The following FAM76B variants were observed in gnomAD, a reference collection of about 807,000 sequenced individuals.
The protein encoded by FAM76B is protein FAM76B.
In FAM76B, 16 loss-of-function variants were observed where a neutral mutation model predicts 51.8. The ratio of observed to expected loss-of-function variants is 0.31; its 90% CI spans 0.21 to 0.47. The LOEUF is 0.47. Ranked by LOEUF, FAM76B falls within the 20% of genes least tolerant of loss-of-function variation. The probability of loss-of-function intolerance (pLI) is 1.00; values close to 1 mark genes in which losing one functional copy is unlikely to be tolerated. For synonymous variants in FAM76B, 166 were observed against 129.5 expected (o/e 1.28, Z -1.91); for missense variants, 342 against 392.6 (o/e 0.87, Z 1.09).
rs538281687 is a variant in FAM76B at position 95,782,522 on chromosome 11, G to C, written c.563+543C>G. 5.3e-5 allele frequency among the ~76,000 whole-genome samples: 8 copies of C among 151,944 alleles called. No homozygotes were observed. In the South Asian group the frequency reaches 1.5e-3, roughly 28 times the overall value. ...AACTACAGTTGTCTCTATTTAAGTAGAGTTCCTAAATATATGTTTGAAAAA... is the reference window on the plus strand; with the variant it reads ...AACTACAGTTGTCTCTATTTAAGTACAGTTCCTAAATATATGTTTGAAAAA... On this transcript the variant is annotated intron_variant, in intron 5 of 9. Coordinates refer to ENST00000358780, the MANE Select transcript of FAM76B (RefSeq NM_144664.5).
At chr11:95,779,167 G>C (rs1305077293) in intron 7 of FAM76B, 1 of 1,557,386 alleles carries the variant, frequency 6.4e-7, no homozygotes, top group South Asian at 1.1e-5. Flanking sequence ...TTAGCTTTAA[G>C]GGGGTCAATA....
At chr11:95,783,373 C>A in intron 4 of FAM76B, 109 bp from the exon 5 acceptor site, 1 of 800,100 alleles carries the variant, frequency 1.2e-6, no homozygotes. Flanking sequence ...GTAACATGCA[C>A]AAATGCATGT....
intron 5 of FAM76B, among the ~76,000 whole-genome samples, chr11:95,782,275 A>C (rs1860313698): frequency 6.6e-6 from 1 of 152,182 alleles, no homozygotes; most frequent in Non-Finnish European, 1.5e-5. Flanking sequence ...ACCCTTGAAC[A>C]ACCCAGGTTT....
chr11:95,772,035 T>C (rs1859789523), intron 9 of FAM76B, among the ~76,000 whole-genome samples: 1 of 151,106 alleles, frequency 6.6e-6, no homozygotes, highest in African/African-American at 2.4e-5. Context: ...ATTAATAAAA[T>C]CAAAGAATGA....
At position 95,788,759 on chromosome 11, in the gene FAM76B, G is replaced by A. The variant is rs920815266; in HGVS notation, c.88-196C>T. 1.9e-5 allele frequency: 26 copies of A among 1,387,898 alleles called. No individual in the cohort carries two copies. The African/African-American group carries it at 3.2e-4, about 17-fold the overall frequency. 86.0% of individuals were successfully genotyped at this position (1,387,898 alleles called of 1,614,324 possible). On this transcript the variant is annotated intron_variant, in intron 1 of 9. Transcript: ENST00000358780. The stretch of plus-strand genomic sequence containing the variant: ...CCTTAGGGAAGGCACAGGTGTCTTT[G>A]TCTTTAGTAGACGTGGGGGTATATT...
At chr11:95,777,696 A>T (rs1016878517) in intron 8 of FAM76B, among the ~76,000 whole-genome samples, 3 of 151,418 alleles carry the variant, frequency 2.0e-5, no homozygotes, top group African/African-American at 7.2e-5. Flanking sequence ...TAAGCTACAA[A>T]TGTATTAAAA....
intron 1 of FAM76B, chr11:95,789,180 GA>G: frequency 1.9e-6 from 2 of 1,039,422 alleles, no homozygotes; most frequent in Non-Finnish European, 2.7e-6. Flanking sequence ...GGGCCGCCTG[GA>G]AAAGGGCACG....
chr11:95,775,362 G>C (rs1429703360), intron 9 of FAM76B, among the ~76,000 whole-genome samples: 1 of 151,374 alleles, frequency 6.6e-6, no homozygotes, highest in African/African-American at 2.4e-5. Context: ...TACTTAAACT[G>C]CTACTTTGCA....
Position 95,779,711 on chromosome 11 carries a change from T to C in FAM76B, c.612-24A>G, listed in dbSNP as rs1466757064. Reference sequence around the variant, plus strand: ...GGCTGAAACCAAACATTAATAAGAATAGTTAGAGTAAAAAGGACAGAGAAA... The same window carrying C: ...GGCTGAAACCAAACATTAATAAGAACAGTTAGAGTAAAAAGGACAGAGAAA... On this transcript the variant is annotated intron_variant, in intron 6 of 9. Transcript: ENST00000358780. 7 of 1,600,422 alleles carry C rather than the reference T, an allele frequency of 4.4e-6. No individual in the cohort carries two copies. The South Asian group carries it at 4.5e-5, about 10-fold the overall frequency.
At chr11:95,778,718 AACAAACATTAC>A (rs1226891201) in intron 8 of FAM76B, 93 bp downstream of exon 8, 2 of 1,388,230 alleles carry the variant, frequency 1.4e-6, no homozygotes, top group African/African-American at 3.0e-5. Flanking sequence ...AATCACGCAC[AACAAACATTAC>A]CAAATTATTA....
intron 8 of FAM76B, among the ~76,000 whole-genome samples, chr11:95,777,322 G>A (rs529975889): frequency 4.0e-5 from 6 of 151,224 alleles, no homozygotes; most frequent in Admixed American, 1.3e-4. Context: ...TTAGTGTTGT[G>A]ATTTTTTTAA....
chr11:95,781,288 C>T (rs894251312), intron 5 of FAM76B, among the ~76,000 whole-genome samples: 1 of 152,060 alleles, frequency 6.6e-6, no homozygotes, highest in African/African-American at 2.4e-5. Context: ...CTACCCCTGC[C>T]GATCACTATC....
chr11:95,783,151 T>G lies in FAM76B; in HGVS notation c.477A>C (p.Ser159=), dbSNP rs541944472. The G allele has an allele frequency of 1.9e-6, 3 of 1,613,524 alleles. No individual in the cohort carries two copies. The African/African-American group carries it at 4.0e-5, about 22-fold the overall frequency. The change falls in exon 5 of 10, where the codon TCA becomes TCC. Residue 159 remains serine, a synonymous_variant. Coordinates refer to ENST00000358780, the MANE Select transcript of FAM76B (RefSeq NM_144664.5). ...GATGCTGGTCTTTCTCAGTAAGAGATGAAGAAGATGAATTTGAATGTGAAG... is the reference window on the plus strand; with the variant it reads ...GATGCTGGTCTTTCTCAGTAAGAGAGGAAGAAGATGAATTTGAATGTGAAG... ...LGSSHSNSSS[S]SLTEKDQHHP...
rs1394374723 is a variant in FAM76B at position 95,783,086 on chromosome 11, C to CGATGGT, written c.536_541dup (p.His179_His180dup). On this transcript the variant is annotated inframe_insertion, in exon 5 of 10. Coordinates refer to ENST00000358780, the MANE Select transcript of FAM76B (RefSeq NM_144664.5). The stretch of plus-strand genomic sequence containing the variant: ...TTACTTGTGATGGCTACTGCTGTGA[C>CGATGGT]GATGGTGATGGTGATGATGGTGGTG... The CGATGGT allele has an allele frequency of 6.2e-7, 1 of 1,613,456 alleles. No individual in the cohort carries two copies. The highest frequency in any genetic ancestry group is 1.7e-5 in the Admixed American group (1 of 59,994).
intron 1 of FAM76B, 142 bp from the exon 2 acceptor site, chr11:95,788,705 T>A: frequency 8.3e-7 from 1 of 1,211,858 alleles, no homozygotes; most frequent in Non-Finnish European, 1.1e-6. Flanking sequence ...GGATGCTTTA[T>A]CATATAAGTG....
chr11:95,788,391 A>T, intron 2 of FAM76B, 108 bp downstream of exon 2: 3 of 943,908 alleles, frequency 3.2e-6, no homozygotes, highest in South Asian at 3.0e-5. Flanking sequence ...TTCTGGGGCT[A>T]AACCATTTTT....
In FAM76B at chr11:95,769,871, T is replaced by C. The variant is rs548480772; in HGVS notation, c.*1690A>G. On this transcript the variant is annotated 3_prime_UTR_variant, in exon 10 of 10. Transcript: ENST00000358780. ...ATCACTTGAAAATTACCCTATATTA[T>C]GCTTTCAAAATGGACAAAGAATTAT... The C allele has an allele frequency of 8.6e-5, 13 of 151,680 alleles. No homozygotes were observed. In the South Asian group the frequency reaches 2.3e-3, roughly 27 times the overall value. The allele number at this position is 151,680 out of a possible 1,614,324, so 9.4% of individuals were successfully genotyped here.
intron 3 of FAM76B, 134 bp downstream of exon 3, chr11:95,787,490 T>G: frequency 1.3e-6 from 1 of 744,760 alleles, no homozygotes; most frequent in South Asian, 1.7e-5. Context: ...TCCGCCCTCC[T>G]CGGCCTCCCA....
chr11:95,779,388 C>A, intron 7 of FAM76B: 1 of 560,644 alleles, frequency 1.8e-6, no homozygotes, highest in Non-Finnish European at 3.0e-6. Flanking sequence ...CTTCAAAACC[C>A]AAATTTATTT....
Sources: gnomAD v4.1 joint callset for allele counts (sites outside exome capture counted in the v4.1 genomes callset) on GRCh38, gnomAD v4.1.1 for gene constraint, MANE v1.5 for transcripts, NCBI Gene and HGNC (gene_info 2026-07-23, HGNC 2026-07-21) for gene names.